Variants in SV2C observed in about 807,000 individuals in gnomAD.
SV2C encodes solute carrier family 22 member B3.
SV2C carries 49 observed loss-of-function variants against 79.7 expected under a neutral mutation model. That is an observed-to-expected ratio of 0.61 (90% CI 0.49 to 0.78). SV2C has a LOEUF of 0.78. SV2C is among the 30% of genes least tolerant of loss of function. The probability of loss-of-function intolerance (pLI) is 0.00; values close to 1 mark genes in which losing one functional copy is unlikely to be tolerated. For synonymous variants in SV2C, 334 were observed against 333.2 expected (o/e 1.00, Z -0.03); for missense variants, 833 against 912.9 (o/e 0.91, Z 1.13).
chr5:76,343,419 C>T (rs1327746963), intron 12 of SV2C, among the ~76,000 whole-genome samples: 1 of 152,090 alleles, frequency 6.6e-6, no homozygotes. Flanking sequence ...ATAAACTTCA[C>T]CGAAAAAATA....
intron 3 of SV2C, among the ~76,000 whole-genome samples, chr5:76,202,061 G>A (rs996148798): frequency 5.3e-5 from 8 of 150,414 alleles, no homozygotes; most frequent in Non-Finnish European, 8.9e-5. Context: ...ATTGAGGCAC[G>A]GATTGATTAT....
rs1456343473 is a variant in SV2C at position 76,300,382 on chromosome 5, C to T, written c.1637-347C>T. 3.9e-5 allele frequency among the ~76,000 whole-genome samples: 6 copies of T among 152,056 alleles called. No homozygotes were observed. The South Asian group carries it at 8.3e-4, about 21-fold the overall frequency. On this transcript the variant is annotated intron_variant, in intron 10 of 12. Coordinates refer to ENST00000502798, the MANE Select transcript of SV2C (RefSeq NM_014979.4). ...ACACTATTAGTACTATAATGATAGT[C>T]TTTATGTAACATGATAATTAGGACA...
chr5:76,211,141 C>G (rs1029864963), intron 4 of SV2C, among the ~76,000 whole-genome samples: 1 of 152,136 alleles, frequency 6.6e-6, no homozygotes, highest in Non-Finnish European at 1.5e-5. Flanking sequence ...AAGCTCAGCT[C>G]CACATCAGCC....
intron 3 of SV2C, among the ~76,000 whole-genome samples, chr5:76,199,344 G>A (rs1744362706): frequency 6.6e-6 from 1 of 152,100 alleles, no homozygotes; most frequent in Admixed American, 6.5e-5. Flanking sequence ...GGCCTCTGGT[G>A]CACATAGGCC....
chr5:76,213,647 A>ATG (rs1456675839), intron 4 of SV2C, among the ~76,000 whole-genome samples: 3 of 152,330 alleles, frequency 2.0e-5, no homozygotes, highest in Admixed American at 1.3e-4. Flanking sequence ...TACATTTAAT[A>ATG]TGTACAACTT....
intron 1 of SV2C, among the ~76,000 whole-genome samples, chr5:76,126,706 C>T (rs1421430905): frequency 6.6e-6 from 1 of 152,158 alleles, no homozygotes; most frequent in African/African-American, 2.4e-5. Flanking sequence ...TCTGCAAGTA[C>T]TTTAGAAGAG....
At chr5:75,941,055 T>C in the SV2C span, among the ~76,000 whole-genome samples, 3 of 152,338 alleles carry the variant, frequency 2.0e-5, no homozygotes, top group South Asian at 6.2e-4. Flanking sequence ...GGCTTTTTCT[T>C]GGAATTTCAT....
chr5:76,106,048 A>G (rs917471446), intron 1 of SV2C, among the ~76,000 whole-genome samples: 1 of 152,068 alleles, frequency 6.6e-6, no homozygotes, highest in Non-Finnish European at 1.5e-5. Context: ...CAGCATCTCC[A>G]TTGGATGTCT....
At chr5:76,083,733 T>G (rs1037885668) in intron 1 of SV2C, among the ~76,000 whole-genome samples, 1 of 152,100 alleles carries the variant, frequency 6.6e-6, no homozygotes, top group Non-Finnish European at 1.5e-5. Flanking sequence ...GTAAAATAGA[T>G]GCAGTGACCC....
At chr5:76,314,109 C>T (rs1467420251) in intron 12 of SV2C, among the ~76,000 whole-genome samples, 2 of 152,168 alleles carry the variant, frequency 1.3e-5, no homozygotes, top group African/African-American at 2.4e-5. Context: ...AATGTTAGCT[C>T]CTTGAGGGCA....
intron 2 of SV2C, among the ~76,000 whole-genome samples, chr5:76,147,642 G>T (rs1749477752): frequency 6.6e-6 from 1 of 152,164 alleles, no homozygotes; most frequent in African/African-American, 2.4e-5. Context: ...GGAAATCAGA[G>T]GGGAACAAGT....
chr5:76,322,915 C>T (rs566688201), intron 12 of SV2C, among the ~76,000 whole-genome samples: 1 of 152,156 alleles, frequency 6.6e-6, no homozygotes, highest in Non-Finnish European at 1.5e-5. Flanking sequence ...AAATGTAAAG[C>T]CCAAAACCAT....
chr5:76,079,981 A>G (rs747207717), upstream of SV2C, among the ~76,000 whole-genome samples: 4 of 152,050 alleles, frequency 2.6e-5, no homozygotes, highest in Admixed American at 6.5e-5. Flanking sequence ...GGATGGTTCA[A>G]CAGCACAGCA....
chr5:76,100,958 G>T (rs562479849), intron 1 of SV2C, among the ~76,000 whole-genome samples: 6 of 152,328 alleles, frequency 3.9e-5, no homozygotes, highest in African/African-American at 1.4e-4. Flanking sequence ...CGTCCCCAAG[G>T]CTGGGGGTTG....
intron 2 of SV2C, among the ~76,000 whole-genome samples, chr5:76,181,635 C>T (rs73113719): frequency 0.011 from 1,699 of 151,982 alleles, 28 homozygotes; most frequent in African/African-American, 0.039. Context: ...ACTTTTAAAC[C>T]ATCAGATCTC....
At chr5:75,889,610 CTTAA>C in the SV2C span, among the ~76,000 whole-genome samples, 5 of 151,960 alleles carry the variant, frequency 3.3e-5, no homozygotes, top group African/African-American at 1.2e-4. Context: ...CACATTTTAA[CTTAA>C]TTAATTTTTA....
chr5:75,925,680 T>TC, the SV2C span, among the ~76,000 whole-genome samples: 1 of 152,022 alleles, frequency 6.6e-6, no homozygotes, highest in Admixed American at 6.6e-5. Flanking sequence ...GAGGGAGAGT[T>TC]CCTCTTTAAT....
the SV2C span, among the ~76,000 whole-genome samples, chr5:75,888,674 C>G: frequency 6.6e-6 from 1 of 152,070 alleles, no homozygotes; most frequent in African/African-American, 2.4e-5. Context: ...CAACTACTAC[C>G]TGTCTTGGCA....
At chr5:76,284,589 G>C (rs1033567590) in intron 4 of SV2C, among the ~76,000 whole-genome samples, 12 of 152,230 alleles carry the variant, frequency 7.9e-5, no homozygotes, top group Admixed American at 2.0e-4. Context: ...CCTGACAAGA[G>C]CTGTGGCTGC....
Sources: gnomAD v4.1 joint callset for allele counts (sites outside exome capture counted in the v4.1 genomes callset) on GRCh38, gnomAD v4.1.1 for gene constraint, MANE v1.5 for transcripts, NCBI Gene and HGNC (gene_info 2026-07-23, HGNC 2026-07-21) for gene names.